The following EVL variants were observed in gnomAD, a reference collection of about 807,000 sequenced individuals.
The protein encoded by EVL is Enah/Vasp-like, also known as ena/VASP-like protein.
A neutral mutation model predicts 59.6 loss-of-function variants in EVL; 21 were observed. That is an observed-to-expected ratio of 0.35 (90% CI 0.25 to 0.51). The LOEUF (loss-of-function observed/expected upper bound fraction) is 0.51, where lower values mean the gene tolerates loss of function less well. Ranked by LOEUF, EVL falls within the 20% of genes least tolerant of loss-of-function variation. EVL has a pLI of 0.97. For synonymous variants in EVL, 198 were observed against 203.5 expected (o/e 0.97, Z 0.23); for missense variants, 462 against 546.6 (o/e 0.85, Z 1.54).
At chr14:100,016,864 G>T (rs184108886) in intron 1 of EVL, among the ~76,000 whole-genome samples, 50 of 152,228 alleles carry the variant, frequency 3.3e-4, no homozygotes, top group African/African-American at 1.1e-3. Flanking sequence ...GCCCTGGCAG[G>T]TCTCTTGCTT....
chr14:100,129,608 T>C lies in EVL; in HGVS notation c.763T>C (p.Ser255Pro). 6.2e-7 allele frequency: 1 copy of C among 1,613,618 alleles called. No homozygotes were observed. The highest frequency in any genetic ancestry group is 8.5e-7 in the Non-Finnish European group (1 of 1,179,902). ...CTCCAGTCCCAGTGGGACCTCAAAGTCCGATGCCAACCGGGCAAGCAGCGG... is the reference window on the plus strand; with the variant it reads ...CTCCAGTCCCAGTGGGACCTCAAAGCCCGATGCCAACCGGGCAAGCAGCGG... ...GGSSPSGTSK[S>P]DANRASSGGG... Residue 255 changes from serine (S) to proline (P), a missense_variant, in exon 7 of 14, where the codon TCC becomes CCC. Physicochemically the swap from Ser to Pro is moderately conservative, Grantham distance 74 (BLOSUM62 -1). Transcript: ENST00000392920.
At chr14:100,080,682 CCT>C (rs1209282923) in intron 1 of EVL, among the ~76,000 whole-genome samples, 1 of 152,188 alleles carries the variant, frequency 6.6e-6, no homozygotes, top group Non-Finnish European at 1.5e-5. Flanking sequence ...TTGAAAAGAG[CCT>C]TCCCCCAAGA....
At chr14:100,085,114 G>A (rs1347119236) in intron 2 of EVL, 1 of 346,056 alleles carries the variant, frequency 2.9e-6, no homozygotes, top group South Asian at 9.3e-5. Context: ...CTGTGTTATT[G>A]TCAGATTAAA....
chr14:100,122,508 G>A (rs1015597822), intron 3 of EVL, among the ~76,000 whole-genome samples: 1 of 152,180 alleles, frequency 6.6e-6, no homozygotes, highest in Non-Finnish European at 1.5e-5. Flanking sequence ...AACAAGGAGG[G>A]AAGAACCACT....
At chr14:100,016,244 CAAAA>C (rs2061049050) in intron 1 of EVL, among the ~76,000 whole-genome samples, 2 of 147,268 alleles carry the variant, frequency 1.4e-5, no homozygotes, top group African/African-American at 5.0e-5. Flanking sequence ...AAAACAAAAA[CAAAA>C]CACTGGGCGT....
At chr14:100,010,855 G>A (rs1408080720) in intron 1 of EVL, among the ~76,000 whole-genome samples, 1 of 152,212 alleles carries the variant, frequency 6.6e-6, no homozygotes, top group Admixed American at 6.5e-5. Context: ...GACCTCTAGG[G>A]AATTTACAAA....
intron 1 of EVL, among the ~76,000 whole-genome samples, chr14:99,997,304 G>A (rs117463436): frequency 0.027 from 4,058 of 152,380 alleles, 80 homozygotes; most frequent in Non-Finnish European, 0.041. Context: ...GAAGAATGAT[G>A]TAGGTGTTTA....
At chr14:100,011,566 T>C (rs942570572) in intron 1 of EVL, among the ~76,000 whole-genome samples, 1 of 152,226 alleles carries the variant, frequency 6.6e-6, no homozygotes. Context: ...AAAATTAGAC[T>C]TCGACATAAT....
chr14:99,987,905 ATTTTTTTT>A (rs774580760), intron 1 of EVL, among the ~76,000 whole-genome samples: 8 of 103,820 alleles, frequency 7.7e-5, no homozygotes, highest in Non-Finnish European at 1.5e-4. Context: ...AGACAACCCA[ATTTTTTTT>A]TTTTTTTTTT....
chr14:100,113,183 G>A (rs1363318754), intron 3 of EVL, among the ~76,000 whole-genome samples: 1 of 152,086 alleles, frequency 6.6e-6, no homozygotes, highest in African/African-American at 2.4e-5. Flanking sequence ...ACGGCACAGA[G>A]GCATGTGAAC....
chr14:100,099,179 C>CAAAA (rs57154685), intron 3 of EVL, among the ~76,000 whole-genome samples: 34 of 50,944 alleles, frequency 6.7e-4, no homozygotes, highest in African/African-American at 9.6e-4. Flanking sequence ...CCTGTCTCTA[C>CAAAA]AAAAAAAAAA....
At chr14:100,139,422 G>A (rs1203668203) in intron 11 of EVL, 1 of 152,368 alleles carries the variant, frequency 6.6e-6, no homozygotes, top group Non-Finnish European at 1.5e-5. Context: ...GTGGCTGTCA[G>A]GGCTGAGATG....
At chr14:99,987,740 A>G (rs2060848476) in intron 1 of EVL, among the ~76,000 whole-genome samples, 1 of 152,136 alleles carries the variant, frequency 6.6e-6, no homozygotes, top group Non-Finnish European at 1.5e-5. Flanking sequence ...CTCTATGAGG[A>G]AAAGGCCTTC....
intron 1 of EVL, among the ~76,000 whole-genome samples, chr14:100,024,609 G>A (rs952448078): frequency 7.2e-5 from 11 of 152,068 alleles, no homozygotes; most frequent in Non-Finnish European, 1.3e-4. Context: ...CTCTAGCCAC[G>A]TGGGCCTTGT....
chr14:100,042,764 G>A (rs1367406170), intron 1 of EVL, among the ~76,000 whole-genome samples: 1 of 152,158 alleles, frequency 6.6e-6, no homozygotes, highest in African/African-American at 2.4e-5. Context: ...CACTCCATTT[G>A]GGATGCTAAT....
At chr14:99,998,086 C>G (rs2060925093) in intron 1 of EVL, among the ~76,000 whole-genome samples, 1 of 152,014 alleles carries the variant, frequency 6.6e-6, no homozygotes, top group African/African-American at 2.4e-5. Context: ...GTGGTGTGAT[C>G]ATGGCTCACT....
At chr14:100,028,142 T>TTG (rs2061249810) in intron 1 of EVL, among the ~76,000 whole-genome samples, 3 of 144,432 alleles carry the variant, frequency 2.1e-5, no homozygotes, top group South Asian at 2.1e-4. Context: ...TTGTTTTTTT[T>TTG]TTTTTTTTTG....
rs1027988433 is a variant in EVL at position 100,123,464 on chromosome 14, A to C, written c.359-75A>C. The C allele has an allele frequency of 4.8e-6, 7 of 1,467,834 alleles. No homozygotes were observed. The Admixed American group carries it at 1.3e-4, about 27-fold the overall frequency. The allele number at this position is 1,467,834 out of a possible 1,614,324, so 90.9% of individuals were successfully genotyped here. A position where few individuals can be genotyped will look rare whatever the true frequency, so the allele number is the denominator to read the frequency against. On this transcript the variant is annotated intron_variant, in intron 3 of 13. Coordinates refer to ENST00000392920, the MANE Select transcript of EVL (RefSeq NM_016337.3). Reference sequence around the variant, plus strand: ...CTGCAGCCAGAAGGTGGGCAGAGATAGAGAGCACTCCAGTTGGGTTTGCTG... The same window carrying C: ...CTGCAGCCAGAAGGTGGGCAGAGATCGAGAGCACTCCAGTTGGGTTTGCTG...
intron 4 of EVL, among the ~76,000 whole-genome samples, chr14:100,124,825 G>C (rs1206162735): frequency 6.6e-6 from 1 of 152,176 alleles, no homozygotes; most frequent in Non-Finnish European, 1.5e-5. Context: ...AAGCTGTGTG[G>C]GGTCACTGGC....
Sources: gnomAD v4.1 joint callset for allele counts (sites outside exome capture counted in the v4.1 genomes callset) on GRCh38, gnomAD v4.1.1 for gene constraint, MANE v1.5 for transcripts, NCBI Gene and HGNC (gene_info 2026-07-23, HGNC 2026-07-21) for gene names.